Variants in ZFHX3 observed in about 807,000 individuals in gnomAD.
The protein encoded by ZFHX3 is zinc finger homeobox 3.
ZFHX3 carries 42 observed loss-of-function variants against 279.1 expected under a neutral mutation model. The observed-to-expected ratio is 0.15, with a 90% CI of 0.12 to 0.19. The LOEUF (loss-of-function observed/expected upper bound fraction) is 0.19, where lower values mean the gene tolerates loss of function less well. Ranked by LOEUF, ZFHX3 falls within the 10% of genes least tolerant of loss-of-function variation. ZFHX3 has a pLI of 1.00. For synonymous variants in ZFHX3, 2,293 were observed against 1,957.8 expected, an observed-to-expected ratio of 1.17 and a Z score of -4.52; for missense variants, 4,981 against 4,754.0, an observed-to-expected ratio of 1.05 and a Z score of -1.40.
chr16:72,859,240 C>T (rs1288920199), intron 4 of ZFHX3, among the ~76,000 whole-genome samples: 4 of 152,220 alleles, frequency 2.6e-5, no homozygotes, highest in Non-Finnish European at 5.9e-5. Context: ...CCCACATAAA[C>T]AAACTGTTGG....
intron 3 of ZFHX3, among the ~76,000 whole-genome samples, chr16:72,927,187 A>G (rs555307830): frequency 1.3e-5 from 2 of 152,352 alleles, no homozygotes; most frequent in African/African-American, 2.4e-5. Flanking sequence ...TTGGTCAGAC[A>G]TTGGTTAAAA....
intron 2 of ZFHX3, among the ~76,000 whole-genome samples, chr16:73,639,912 A>G (rs2052559361): frequency 6.6e-6 from 1 of 152,212 alleles, no homozygotes; most frequent in Admixed American, 6.5e-5. Context: ...GGAAACTGAA[A>G]TAAGTTTCTG....
intron 2 of ZFHX3, among the ~76,000 whole-genome samples, chr16:73,552,045 C>CAG (rs149648396): frequency 6.6e-6 from 1 of 151,284 alleles, no homozygotes; most frequent in African/African-American, 2.4e-5. Flanking sequence ...GAGAGAGAGA[C>CAG]AGAGAGAGAG....
intron 2 of ZFHX3, among the ~76,000 whole-genome samples, chr16:73,602,802 C>CTGGT: frequency 1.3e-5 from 2 of 150,708 alleles, no homozygotes; most frequent in Non-Finnish European, 2.9e-5. Context: ...CAAAAATTAG[C>CTGGT]CGGTCGTGGT....
intron 5 of ZFHX3, among the ~76,000 whole-genome samples, chr16:73,205,957 AAATTG>A (rs2011785769): frequency 6.6e-6 from 1 of 152,256 alleles, no homozygotes; most frequent in African/African-American, 2.4e-5. Context: ...AATTTGGCTG[AAATTG>A]TTAAAGAACT....
chr16:72,963,665 T>C (rs1003157527), intron 1 of ZFHX3, among the ~76,000 whole-genome samples: 1 of 152,236 alleles, frequency 6.6e-6, no homozygotes, highest in Non-Finnish European at 1.5e-5. Flanking sequence ...TGTTACCCTG[T>C]ATCTCCCTAT....
intron 2 of ZFHX3, among the ~76,000 whole-genome samples, chr16:73,571,812 G>A (rs907892569): frequency 1.3e-5 from 2 of 152,106 alleles, no homozygotes; most frequent in Admixed American, 6.5e-5. Flanking sequence ...GTCGTGAAAG[G>A]GGTGTCTCAA....
chr16:73,327,491 G>A (rs1417945949), intron 3 of ZFHX3, among the ~76,000 whole-genome samples: 1 of 152,218 alleles, frequency 6.6e-6, no homozygotes, highest in Non-Finnish European at 1.5e-5. Context: ...ATGGTTGGAT[G>A]AAAGCACAGT....
intron 4 of ZFHX3, among the ~76,000 whole-genome samples, chr16:73,291,565 C>A (rs181248534): frequency 6.6e-6 from 1 of 152,310 alleles, no homozygotes; most frequent in Non-Finnish European, 1.5e-5. Context: ...CATCTGCTCA[C>A]CCCTGATTAG....
At chr16:73,473,339 C>CAAAAAAAAAAAAAAAAA (rs11347779) in intron 2 of ZFHX3, among the ~76,000 whole-genome samples, 253 of 76,606 alleles carry the variant, frequency 3.3e-3, no homozygotes, top group East Asian at 4.1e-3. Context: ...TGTCTCAAAG[C>CAAAAAAAAAAAAAAAAA]AAAAAAAAAA....
At chr16:73,293,022 C>T (rs1182732134) in intron 4 of ZFHX3, among the ~76,000 whole-genome samples, 1 of 152,150 alleles carries the variant, frequency 6.6e-6, no homozygotes, top group Non-Finnish European at 1.5e-5. Context: ...AGAGCTTGTC[C>T]TAACTGCCTT....
intron 5 of ZFHX3, among the ~76,000 whole-genome samples, chr16:73,156,230 T>G (rs546075746): frequency 5.9e-5 from 3 of 50,794 alleles, no homozygotes; most frequent in Admixed American, 6.3e-4. Context: ...AGACTCCCTC[T>G]CAAAAAAAAA....
chr16:73,728,697 G>C (rs2053542794), intron 1 of ZFHX3, among the ~76,000 whole-genome samples: 1 of 151,978 alleles, frequency 6.6e-6, no homozygotes, highest in Non-Finnish European at 1.5e-5. Flanking sequence ...ACTGCTTGTT[G>C]TAAGAATTTT....
At chr16:73,175,018 AC>A (rs1456151052) in intron 5 of ZFHX3, among the ~76,000 whole-genome samples, 1 of 151,594 alleles carries the variant, frequency 6.6e-6, no homozygotes, top group East Asian at 1.9e-4. Context: ...ACAGAGCAAG[AC>A]CCCCTCTCAA....
exon 3 of ZFHX3, chr16:73,456,041 G>A (rs913064847): frequency 6.6e-6 from 1 of 152,118 alleles, no homozygotes; most frequent in South Asian, 2.1e-4. Context: ...CAGTCCTGGA[G>A]ACCATATGTG....
At position 72,790,921 on chromosome 16, in the gene ZFHX3, T is replaced by C. The variant is rs117890237; in HGVS notation, c.9428-2073A>G. 989 of 152,346 alleles carry C rather than the reference T, an allele frequency of 6.5e-3. 5 individuals are homozygous for C. The highest frequency in any genetic ancestry group is 0.011 in the Non-Finnish European group (749 of 68,050). The allele number at this position is 152,346 out of a possible 1,614,324, so 9.4% of individuals were successfully genotyped here. On this transcript the variant is annotated intron_variant, in intron 9 of 9. Coordinates refer to ENST00000268489, the MANE Select transcript of ZFHX3 (RefSeq NM_006885.4). ...GTGTGTCTTCAACTGATGGTCTATA[T>C]AAGAGGTTCAAATTTTAAGAAACGT...
chr16:73,822,068 T>G (rs542078785), intron 1 of ZFHX3, among the ~76,000 whole-genome samples: 1 of 152,288 alleles, frequency 6.6e-6, no homozygotes, highest in East Asian at 1.9e-4. Context: ...CAATCTTCAG[T>G]CACATAGAAA....
intron 1 of ZFHX3, among the ~76,000 whole-genome samples, chr16:73,796,795 C>T (rs1041027609): frequency 6.6e-6 from 1 of 152,164 alleles, no homozygotes; most frequent in African/African-American, 2.4e-5. Context: ...AACTGGCTCA[C>T]AGCTTGTTCA....
At chr16:73,792,612 G>C (rs931066817) in intron 1 of ZFHX3, among the ~76,000 whole-genome samples, 2 of 152,198 alleles carry the variant, frequency 1.3e-5, no homozygotes, top group East Asian at 1.9e-4. Context: ...ACAGTAGCTT[G>C]CCTCCTTTAA....
Sources: allele counts gnomAD v4.1 joint callset (sites outside exome capture counted in the v4.1 genomes callset), GRCh38; gene constraint gnomAD v4.1.1; transcripts MANE v1.5; gene names NCBI Gene and HGNC (gene_info 2026-07-23, HGNC 2026-07-21).